Variants in SLC17A6 observed in about 807,000 individuals in gnomAD.
SLC17A6 encodes the protein solute carrier family 17 member 6, also known as vesicular glutamate transporter 2.
A neutral mutation model predicts 67.1 loss-of-function variants in SLC17A6; 35 were observed. The ratio of observed to expected loss-of-function variants is 0.52; its 90% CI spans 0.40 to 0.69. The LOEUF is 0.69. Among genes scored for constraint, SLC17A6 ranks in the 30% least tolerant of loss-of-function variants. The probability of loss-of-function intolerance (pLI) is 0.00; values close to 1 mark genes in which losing one functional copy is unlikely to be tolerated. For missense variants in SLC17A6, 588 were observed against 723.9 expected (o/e 0.81, Z 2.15); for synonymous variants, 285 against 252.3 (o/e 1.13, Z -1.23).
chr11:22,338,387 A>G lies in SLC17A6; in HGVS notation c.-147A>G. The G allele has an allele frequency of 1.7e-6, 1 of 597,758 alleles. No individual in the cohort carries two copies. The highest frequency in any genetic ancestry group is 3.0e-6 in the Non-Finnish European group (1 of 329,112). The allele number at this position is 597,758 out of a possible 1,614,324, so 37.0% of individuals were successfully genotyped here. On this transcript the variant is annotated 5_prime_UTR_variant, in exon 1 of 12. Coordinates refer to ENST00000263160, the MANE Select transcript of SLC17A6 (RefSeq NM_020346.3). ...ACTCTCCCTCCCTTCTCTCACTCTC[A>G]CTCTTGCTGGAGGCGAGCCACTACC...
rs1403684847 is a variant in SLC17A6, at chr11:22,339,012, A to C, written c.86+393A>C. Among the ~76,000 whole-genome samples the C allele has an allele frequency of 2.1e-5, 3 of 146,302 alleles. No homozygotes were observed. In the Admixed American group the frequency reaches 2.1e-4, roughly 10 times the overall value. ...CCTTTGATGCAGACAAATGAATATA[A>C]AACACAACCATCTAAAAAAATAACC... is the stretch of plus-strand genomic sequence containing the variant. On this transcript the variant is annotated intron_variant, in intron 1 of 11. Transcript: ENST00000263160.
Position 22,368,594 on chromosome 11 carries a change from A to T in SLC17A6, c.892-1445A>T, listed in dbSNP as rs73485600. On this transcript the variant is annotated intron_variant, in intron 7 of 11. Coordinates refer to ENST00000263160, the MANE Select transcript of SLC17A6 (RefSeq NM_020346.3). ...ATGTAAAGAATAAAGTTCTTAGGAA[A>T]GATGATCCTGGTATGAATGAAAGGA... Among the ~76,000 whole-genome samples, 1,132 of 152,158 alleles carry T rather than the reference A, an allele frequency of 7.4e-3. 19 individuals are homozygous for T. Among genetic ancestry groups the T allele is most frequent in the African/African-American group, 0.025 (1,046 of 41,548 alleles).
Position 22,372,238 on chromosome 11 carries a change from A to AT in SLC17A6, c.1041+2054dup, listed in dbSNP as rs558335116. ...ATATATAAATAAAATTGTAACATAG[A>AT]TTTTATATCAGTTAGCTATATGTTA... On this transcript the variant is annotated intron_variant, in intron 8 of 11. Coordinates refer to ENST00000263160, the MANE Select transcript of SLC17A6 (RefSeq NM_020346.3). Among the ~76,000 whole-genome samples, 404 of 151,786 alleles carry AT rather than the reference A, an allele frequency of 2.7e-3. 2 individuals are homozygous for AT. Among genetic ancestry groups the AT allele is most frequent in the African/African-American group, 7.3e-3 (304 of 41,464 alleles).
At chr11:22,359,630 C>A in intron 4 of SLC17A6, 103 bp downstream of exon 4, 1 of 540,540 alleles carries the variant, frequency 1.9e-6, no homozygotes, top group Non-Finnish European at 3.0e-6. Flanking sequence ...TATTAGGTTG[C>A]ATCTAAATAG....
intron 8 of SLC17A6, among the ~76,000 whole-genome samples, chr11:22,370,936 T>G (rs1239442381): frequency 2.0e-5 from 3 of 152,076 alleles, no homozygotes; most frequent in African/African-American, 7.2e-5. Flanking sequence ...AACTCGAAAT[T>G]TAGAAACTAC....
intron 3 of SLC17A6, among the ~76,000 whole-genome samples, chr11:22,348,781 A>G (rs1855905707): frequency 6.6e-6 from 1 of 152,232 alleles, no homozygotes; most frequent in Admixed American, 6.5e-5. Flanking sequence ...TGTATTTATA[A>G]AAATAAATTT....
intron 1 of SLC17A6, among the ~76,000 whole-genome samples, chr11:22,339,172 ATATATGTTT>A (rs1490190335): frequency 0.024 from 1,464 of 62,128 alleles, 149 homozygotes; most frequent in Non-Finnish European, 0.027. Context: ...TATGTTATAT[ATATATGTTT>A]TATATATATA....
intron 4 of SLC17A6, among the ~76,000 whole-genome samples, chr11:22,359,980 A>G (rs543894494): frequency 6.6e-6 from 1 of 152,062 alleles, no homozygotes; most frequent in African/African-American, 2.4e-5. Context: ...CTAATGATCA[A>G]CTCTTGCTCC....
intron 7 of SLC17A6, among the ~76,000 whole-genome samples, chr11:22,366,336 G>A (rs899389175): frequency 5.3e-5 from 8 of 151,846 alleles, no homozygotes; most frequent in African/African-American, 9.7e-5. Flanking sequence ...AAGTGAAACC[G>A]CGGTTAAGGG....
At chr11:22,348,446 T>G (rs989682138) in intron 3 of SLC17A6, among the ~76,000 whole-genome samples, 1 of 152,192 alleles carries the variant, frequency 6.6e-6, no homozygotes, top group African/African-American at 2.4e-5. Flanking sequence ...ACATAGCTGA[T>G]TCTGCCCTTT....
intron 7 of SLC17A6, 80 bp downstream of exon 7, chr11:22,365,769 C>T: frequency 6.9e-7 from 1 of 1,450,000 alleles, no homozygotes; most frequent in African/African-American, 1.4e-5. Flanking sequence ...CTTACAAGTT[C>T]TTCCTCAGCA....
rs565655795 is a variant in SLC17A6, at chr11:22,348,600, T to A, written c.458+5235T>A. 5.9e-5 allele frequency among the ~76,000 whole-genome samples: 9 copies of A among 152,300 alleles called. No homozygotes were observed. The South Asian group carries it at 1.7e-3, about 28-fold the overall frequency. On this transcript the variant is annotated intron_variant, in intron 3 of 11. Coordinates refer to ENST00000263160, the MANE Select transcript of SLC17A6 (RefSeq NM_020346.3). ...GCTCTTAGAACTAAAATTGCAGAGATTTGAACATGACTGGGTGTAGATTAG... is the reference window on the plus strand; with the variant it reads ...GCTCTTAGAACTAAAATTGCAGAGAATTGAACATGACTGGGTGTAGATTAG...
At chr11:22,374,595 G>A (rs571474317) in intron 8 of SLC17A6, among the ~76,000 whole-genome samples, 160 bp from the exon 9 acceptor site, 7 of 152,108 alleles carry the variant, frequency 4.6e-5, no homozygotes, top group African/African-American at 1.7e-4. Flanking sequence ...TCTGTGGAAG[G>A]CATTACTTTT....
At chr11:22,340,417 C>T (rs762763859) in intron 1 of SLC17A6, among the ~76,000 whole-genome samples, 22 of 152,278 alleles carry the variant, frequency 1.4e-4, no homozygotes, top group Non-Finnish European at 2.2e-4. Context: ...AAAACCATTC[C>T]TTTTCTCTGC....
chr11:22,376,448 C>A, intron 10 of SLC17A6, 97 bp from the exon 11 acceptor site: 1 of 1,339,198 alleles, frequency 7.5e-7, no homozygotes, highest in Non-Finnish European at 1.1e-6. Context: ...TGTTCTGTAC[C>A]CAGTATATTT....
At position 22,377,826 on chromosome 11, in the gene SLC17A6, C is replaced by T. The variant is rs1468330703; in HGVS notation, c.*86C>T. On this transcript the variant is annotated 3_prime_UTR_variant, in exon 12 of 12. Transcript: ENST00000263160. ...AAATTTTAAAAACACGTGATGTAAA[C>T]TTGCAAGCATATCAACCAGGCAAGT... The T allele has an allele frequency of 8.9e-7, 1 of 1,124,490 alleles. No individual in the cohort carries two copies. Among genetic ancestry groups the T allele is most frequent in the Non-Finnish European group, 1.2e-6 (1 of 805,796 alleles). 69.7% of individuals were successfully genotyped at this position (1,124,490 alleles called of 1,614,324 possible). A position where few individuals can be genotyped will look rare whatever the true frequency, so the allele number is the denominator to read the frequency against.
Position 22,365,678 on chromosome 11 carries a change from G to A in SLC17A6, c.880G>A (p.Gly294Ser), listed in dbSNP as rs571987954. The A allele has an allele frequency of 1.3e-4, 210 of 1,612,552 alleles. No homozygotes were observed. Among genetic ancestry groups the A allele is most frequent in the Non-Finnish European group, 1.7e-4 (196 of 1,179,328 alleles). ...CATTGGAGAGAGTGCAAATCTTTTA[G>A]GTGCAATGGAAGTAAGAAATTTATT... ...ESIGESANLL[G>S]AMEKFKTPWR... Residue 294 changes from glycine to serine, a missense_variant, in exon 7 of 12, where the codon GGT (glycine) becomes AGT (serine). Gly to Ser is a moderately conservative substitution (Grantham distance 56). Coordinates refer to ENST00000263160, the MANE Select transcript of SLC17A6 (RefSeq NM_020346.3).
chr11:22,346,650 A>T (rs1046113313), intron 3 of SLC17A6, among the ~76,000 whole-genome samples: 1 of 143,312 alleles, frequency 7.0e-6, no homozygotes, highest in African/African-American at 2.6e-5. Flanking sequence ...GTAATAAAAA[A>T]ATGTGGGGGG....
intron 3 of SLC17A6, among the ~76,000 whole-genome samples, chr11:22,345,387 C>T (rs1281982272): frequency 6.6e-6 from 1 of 151,346 alleles, no homozygotes; most frequent in East Asian, 1.9e-4. Context: ...ACTGGGCTCA[C>T]TGCAGCCTCC....
Sources: gnomAD v4.1 joint callset for allele counts (sites outside exome capture counted in the v4.1 genomes callset) on GRCh38, gnomAD v4.1.1 for gene constraint, MANE v1.5 for transcripts, NCBI Gene and HGNC (gene_info 2026-07-23, HGNC 2026-07-21) for gene names.